CDH13: variants seen among roughly 807,000 people sequenced by gnomAD.
CDH13 encodes the protein cadherin 13.
In CDH13, 24 loss-of-function variants were observed where a neutral mutation model predicts 63.8. The ratio of observed to expected loss-of-function variants is 0.38; its 90% CI spans 0.27 to 0.53. The LOEUF is 0.53. CDH13 is among the 20% of genes least tolerant of loss of function. The pLI is 0.85. For synonymous variants in CDH13, 503 were observed against 355.3 expected (o/e 1.42, Z -4.67); for missense variants, 1,049 against 903.1 (o/e 1.16, Z -2.07).
At chr16:83,679,682 G>A (rs1050185627) in intron 10 of CDH13, among the ~76,000 whole-genome samples, 2 of 152,202 alleles carry the variant, frequency 1.3e-5, no homozygotes, top group Admixed American at 1.3e-4. Context: ...ATCAAAGAGA[G>A]AGTCTTTCTT....
intron 9 of CDH13, among the ~76,000 whole-genome samples, chr16:83,672,476 G>A (rs1269656665): frequency 8.0e-6 from 1 of 124,900 alleles, no homozygotes; most frequent in Non-Finnish European, 1.6e-5. Context: ...CCAGGCTGGA[G>A]TGCAGTGGCC....
At chr16:82,959,929 G>C (rs1005573223) in intron 2 of CDH13, among the ~76,000 whole-genome samples, 4 of 152,132 alleles carry the variant, frequency 2.6e-5, no homozygotes, top group Non-Finnish European at 5.9e-5. Flanking sequence ...TCGCCCAAAA[G>C]TGCAATGTCT....
rs1366451989 is a variant in CDH13 at position 83,301,031 on chromosome 16, T to TC, written c.637-43831_637-43830insC. 3.1e-5 allele frequency among the ~76,000 whole-genome samples: 4 copies of TC among 128,226 alleles called. No homozygotes were observed. In the Admixed American group the frequency reaches 3.1e-4, roughly 10 times the overall value. The allele number at this position is 128,226 out of a possible 152,430, so 84.1% of individuals were successfully genotyped here. A position where few individuals can be genotyped will look rare whatever the true frequency, so the allele number is the denominator to read the frequency against. On this transcript the variant is annotated intron_variant, in intron 5 of 13. Coordinates refer to ENST00000567109, the MANE Select transcript of CDH13 (RefSeq NM_001257.5). ...ATACATATAACTTTCTGGGGTTTTT[T>TC]TTTTTTTTTTTTTTTTTTGAGACAG...
chr16:83,622,877 C>T (rs1009006463), intron 8 of CDH13, among the ~76,000 whole-genome samples: 4 of 152,208 alleles, frequency 2.6e-5, no homozygotes, highest in African/African-American at 7.2e-5. Context: ...CAAACACAGG[C>T]TGCGGGCTGA....
At chr16:83,305,584 C>G (rs1460558461) in intron 5 of CDH13, among the ~76,000 whole-genome samples, 2 of 152,156 alleles carry the variant, frequency 1.3e-5, no homozygotes, top group African/African-American at 4.8e-5. Context: ...AAGTTGGCAT[C>G]CCAGTTCTTC....
intron 1 of CDH13, chr16:82,829,120 C>T (rs72807812): frequency 1.2e-4 from 19 of 152,170 alleles, no homozygotes; most frequent in Admixed American, 2.6e-4. Flanking sequence ...GTGGGAGAAC[C>T]TTTTCTTCAT....
intron 3 of CDH13, among the ~76,000 whole-genome samples, chr16:83,070,766 C>A (rs1012601936): frequency 1.3e-5 from 2 of 150,114 alleles, no homozygotes; most frequent in African/African-American, 4.9e-5. Flanking sequence ...CTTGGAAATT[C>A]AAATGTAAAA....
chr16:82,864,182 T>C (rs1333077471), intron 2 of CDH13, among the ~76,000 whole-genome samples: 1 of 152,186 alleles, frequency 6.6e-6, no homozygotes, highest in Non-Finnish European at 1.5e-5. Flanking sequence ...TTCTGATACT[T>C]TTCTGAAGTT....
intron 7 of CDH13, among the ~76,000 whole-genome samples, chr16:83,528,427 G>T (rs2075009955): frequency 1.3e-5 from 2 of 152,086 alleles, no homozygotes. Flanking sequence ...GGTCTGGATG[G>T]GCTGGTTACC....
chr16:82,891,657 C>G (rs146788571), intron 2 of CDH13, among the ~76,000 whole-genome samples: 1 of 152,086 alleles, frequency 6.6e-6, no homozygotes, highest in Non-Finnish European at 1.5e-5. Context: ...GTCTGTATTG[C>G]GGCTGTAAAT....
intron 3 of CDH13, among the ~76,000 whole-genome samples, chr16:83,117,563 C>T (rs748907785): frequency 3.3e-5 from 5 of 152,000 alleles, no homozygotes; most frequent in Non-Finnish European, 5.9e-5. Flanking sequence ...ACAATTGAAG[C>T]TTCATGAGGG....
intron 6 of CDH13, among the ~76,000 whole-genome samples, chr16:83,473,789 C>T (rs757349082): frequency 6.6e-6 from 1 of 152,120 alleles, no homozygotes; most frequent in African/African-American, 2.4e-5. Context: ...CTGGGTTTGC[C>T]TCTCGTCTCA....
At chr16:83,357,804 C>A (rs12149788) in intron 6 of CDH13, among the ~76,000 whole-genome samples, 3 of 152,152 alleles carry the variant, frequency 2.0e-5, no homozygotes, top group African/African-American at 7.2e-5. Context: ...AGGAGAGATG[C>A]TACAAATTGT....
At chr16:83,632,483 T>C (rs1598396376) in intron 8 of CDH13, among the ~76,000 whole-genome samples, 1 of 152,004 alleles carries the variant, frequency 6.6e-6, no homozygotes, top group Non-Finnish European at 1.5e-5. Flanking sequence ...TATGATTTCT[T>C]TGTGAGGTGC....
intron 1 of CDH13, among the ~76,000 whole-genome samples, chr16:82,793,205 A>C (rs752315331): frequency 6.6e-6 from 1 of 152,258 alleles, no homozygotes; most frequent in Non-Finnish European, 1.5e-5. Context: ...GCCTGTTAGT[A>C]ATGAGCATTT....
intron 5 of CDH13, among the ~76,000 whole-genome samples, chr16:83,254,306 A>G (rs1345695329): frequency 6.6e-6 from 1 of 152,182 alleles, no homozygotes; most frequent in Non-Finnish European, 1.5e-5. Flanking sequence ...GTTCCTTAAA[A>G]TGAGATTCAG....
chr16:83,217,631 A>G (rs2039577531), intron 5 of CDH13, 134 bp downstream of exon 5: 1 of 872,466 alleles, frequency 1.1e-6, no homozygotes, highest in East Asian at 2.6e-5. Flanking sequence ...TTTCTGTGGG[A>G]GCTGAAGTGG....
At position 82,975,950 on chromosome 16, in the gene CDH13, A is replaced by G. The variant is rs562675214; in HGVS notation, c.158-56060A>G. On this transcript the variant is annotated intron_variant, in intron 2 of 13. Transcript: ENST00000567109. ...GCGCTCTCCCCCAGCACTTTCCAGG[A>G]CTAAATAATGCATGAAGGGAGAGAA... Among the ~76,000 whole-genome samples the G allele has an allele frequency of 2.0e-3, 305 of 152,232 alleles. 1 individual carries two copies. The highest frequency in any genetic ancestry group is 0.017 in the Middle Eastern group (5 of 294).
chr16:83,041,453 T>C (rs996598961), intron 3 of CDH13, among the ~76,000 whole-genome samples: 3 of 152,048 alleles, frequency 2.0e-5, no homozygotes, highest in African/African-American at 7.2e-5. Flanking sequence ...GAAACAGTTG[T>C]TTTTGTTTTT....
Sources: allele counts gnomAD v4.1 joint callset (sites outside exome capture counted in the v4.1 genomes callset), GRCh38; gene constraint gnomAD v4.1.1; transcripts MANE v1.5; gene names NCBI Gene and HGNC (gene_info 2026-07-23, HGNC 2026-07-21).